The following AGBL4 variants were observed in gnomAD, a reference collection of about 807,000 sequenced individuals.
AGBL4 encodes AGBL carboxypeptidase 4.
In AGBL4, 58 loss-of-function variants were observed where a neutral mutation model predicts 66.4. That is an observed-to-expected ratio of 0.87 (90% CI 0.71 to 1.09). The LOEUF is 1.09. AGBL4 is among the 50% of genes least tolerant of loss of function. The pLI, the probability that AGBL4 is intolerant of heterozygous loss-of-function variation, is 0.00. For synonymous variants in AGBL4, 234 were observed against 222.9 expected, an observed-to-expected ratio of 1.05 and a Z score of -0.44; for missense variants, 579 against 631.0, an observed-to-expected ratio of 0.92 and a Z score of 0.88.
chr1:48,644,539 G>A (rs569751128), intron 8 of AGBL4, among the ~76,000 whole-genome samples: 2 of 152,240 alleles, frequency 1.3e-5, no homozygotes, highest in South Asian at 4.2e-4. Flanking sequence ...GACTTGGGAG[G>A]GCAGGAGAGG....
At chr1:48,816,061 G>T (rs1038719770) in intron 6 of AGBL4, among the ~76,000 whole-genome samples, 4 of 148,168 alleles carry the variant, frequency 2.7e-5, no homozygotes, top group African/African-American at 1.0e-4. Context: ...GTGTGTGTGT[G>T]TGTGTGTGTG....
At chr1:49,841,799 T>TA (rs540783752) in intron 2 of AGBL4, 6,786 of 266,446 alleles carry the variant, frequency 0.025, 3 homozygotes, top group South Asian at 0.037. Context: ...GACAATGTGA[T>TA]AAAAAAAAAA....
intron 2 of AGBL4, among the ~76,000 whole-genome samples, chr1:49,842,657 T>A (rs1319204786): frequency 1.3e-5 from 2 of 152,076 alleles, no homozygotes; most frequent in East Asian, 3.9e-4. Flanking sequence ...ATAATAATAA[T>A]AAAATGAGTT....
At chr1:48,727,904 T>C in intron 6 of AGBL4, 1 of 1,604,834 alleles carries the variant, frequency 6.2e-7, no homozygotes, top group Non-Finnish European at 8.5e-7. Context: ...AATTGTATTT[T>C]GCTTCCCTTC....
intron 3 of AGBL4, among the ~76,000 whole-genome samples, chr1:49,562,336 G>T (rs760087378): frequency 6.4e-4 from 98 of 152,138 alleles, no homozygotes; most frequent in Non-Finnish European, 1.1e-3. Context: ...GTCAATTTTG[G>T]CTTTTGTTGC....
intron 3 of AGBL4, among the ~76,000 whole-genome samples, chr1:49,389,806 A>G (rs1415945771): frequency 6.6e-6 from 1 of 152,172 alleles, no homozygotes; most frequent in African/African-American, 2.4e-5. Flanking sequence ...ATTAGCTACT[A>G]AAATAGAAGC....
chr1:48,880,034 G>A (rs1483148727), intron 5 of AGBL4, among the ~76,000 whole-genome samples: 4 of 152,086 alleles, frequency 2.6e-5, no homozygotes, highest in Non-Finnish European at 4.4e-5. Flanking sequence ...GTTCTTTGGC[G>A]GTAATTTGTG....
chr1:49,690,811 A>C (rs985673751), intron 3 of AGBL4, among the ~76,000 whole-genome samples: 1 of 152,130 alleles, frequency 6.6e-6, no homozygotes, highest in Non-Finnish European at 1.5e-5. Flanking sequence ...CCAGGCATTA[A>C]ATTTAGTGTT....
At chr1:49,905,503 T>C (rs1410906376) in intron 1 of AGBL4, among the ~76,000 whole-genome samples, 2 of 152,208 alleles carry the variant, frequency 1.3e-5, no homozygotes, top group South Asian at 2.1e-4. Flanking sequence ...TAGTTCAGAC[T>C]ATGAAAGGAA....
chr1:49,947,767 A>C (rs1655352554), intron 1 of AGBL4, among the ~76,000 whole-genome samples: 2 of 149,960 alleles, frequency 1.3e-5, no homozygotes, highest in Non-Finnish European at 3.0e-5. Context: ...CTATTTACTG[A>C]TTATATGACT....
intron 3 of AGBL4, 40 bp downstream of exon 3, chr1:49,697,273 T>A: frequency 6.6e-7 from 1 of 1,510,192 alleles, no homozygotes; most frequent in Non-Finnish European, 9.0e-7. Flanking sequence ...CATATTATTC[T>A]TACCAAAACC....
chr1:48,752,626 T>G (rs1284653245), intron 6 of AGBL4, among the ~76,000 whole-genome samples: 4 of 152,230 alleles, frequency 2.6e-5, no homozygotes, highest in Non-Finnish European at 5.9e-5. Context: ...GTGCCTATGA[T>G]GTGCCAAGTG....
intron 11 of AGBL4, among the ~76,000 whole-genome samples, chr1:48,579,915 CA>C (rs35518235): frequency 0.26 from 16,922 of 65,736 alleles, 528 homozygotes; most frequent in Non-Finnish European, 0.3. Flanking sequence ...GACTCCGCCT[CA>C]AAAAAAAAAA....
chr1:48,690,786 G>T (rs1646617452), intron 6 of AGBL4, among the ~76,000 whole-genome samples: 1 of 152,156 alleles, frequency 6.6e-6, no homozygotes, highest in African/African-American at 2.4e-5. Flanking sequence ...AAATACACAT[G>T]TCACAAAATG....
In AGBL4 at chr1:49,507,542, A is replaced by G. The variant is rs374599358; in HGVS notation, c.282+189771T>C. On this transcript the variant is annotated intron_variant, in intron 3 of 13. Coordinates refer to ENST00000371839, the MANE Select transcript of AGBL4 (RefSeq NM_032785.4). The stretch of plus-strand genomic sequence containing the variant: ...GTGTGAAGTTGAACACTTTTCAATT[A>G]CTCCTTCCCCAGTCATCAAGACTCA... 1.4e-3 allele frequency among the ~76,000 whole-genome samples: 207 copies of G among 151,582 alleles called. 1 individual carries two copies. The highest frequency in any genetic ancestry group is 4.7e-3 in the African/African-American group (194 of 41,356).
chr1:49,553,451 G>A (rs1479742003), intron 3 of AGBL4, among the ~76,000 whole-genome samples: 4 of 152,156 alleles, frequency 2.6e-5, no homozygotes, highest in African/African-American at 9.7e-5. Context: ...AAACTACAAT[G>A]ATAGCTCAAG....
chr1:49,522,026 T>C (rs566303041), intron 3 of AGBL4, among the ~76,000 whole-genome samples: 27 of 152,032 alleles, frequency 1.8e-4, no homozygotes, highest in Non-Finnish European at 2.5e-4. Context: ...AATAAACCCA[T>C]GTAATAAACC....
At chr1:48,694,175 G>A (rs1646679912) in intron 6 of AGBL4, among the ~76,000 whole-genome samples, 1 of 151,882 alleles carries the variant, frequency 6.6e-6, no homozygotes, top group African/African-American at 2.4e-5. Flanking sequence ...TAGTCCTGGT[G>A]CACAAACGAG....
intron 6 of AGBL4, among the ~76,000 whole-genome samples, chr1:48,825,308 T>C (rs1646404206): frequency 6.6e-6 from 1 of 152,136 alleles, no homozygotes; most frequent in Non-Finnish European, 1.5e-5. Flanking sequence ...CTGGAGTCAG[T>C]TTTATAGAAG....
Sources: gnomAD v4.1 joint callset for allele counts (sites outside exome capture counted in the v4.1 genomes callset) on GRCh38, gnomAD v4.1.1 for gene constraint, MANE v1.5 for transcripts, NCBI Gene and HGNC (gene_info 2026-07-23, HGNC 2026-07-21) for gene names.